CFAP20DC: variants seen among roughly 807,000 people sequenced by gnomAD.
The protein encoded by CFAP20DC is CFAP20 domain containing.
CFAP20DC carries 84 observed loss-of-function variants against 101.7 expected under a neutral mutation model. That is an observed-to-expected ratio of 0.83 (90% CI 0.69 to 0.99). The LOEUF (loss-of-function observed/expected upper bound fraction) is 0.99. Ranked by LOEUF, CFAP20DC falls within the 50% of genes least tolerant of loss-of-function variation. The probability of loss-of-function intolerance (pLI) is 0.00; values close to 1 mark genes in which losing one functional copy is unlikely to be tolerated. For missense variants in CFAP20DC, 1,007 were observed against 970.3 expected (o/e 1.04, Z -0.50); for synonymous variants, 359 against 351.2 (o/e 1.02, Z -0.25).
At chr3:58,941,438 C>T (rs928609390) in intron 4 of CFAP20DC, among the ~76,000 whole-genome samples, 1 of 151,242 alleles carries the variant, frequency 6.6e-6, no homozygotes, top group African/African-American at 2.4e-5. Context: ...TTCCTCTGAC[C>T]TTTGCTTAAT....
intron 3 of CFAP20DC, among the ~76,000 whole-genome samples, chr3:58,736,376 T>C (rs1559528601): frequency 6.6e-6 from 1 of 152,210 alleles, no homozygotes; most frequent in Non-Finnish European, 1.5e-5. Context: ...TTCTTTGAGA[T>C]AATCTTTGGT....
chr3:58,931,237 C>A (rs541421922), intron 5 of CFAP20DC, among the ~76,000 whole-genome samples: 2 of 152,048 alleles, frequency 1.3e-5, no homozygotes, highest in Non-Finnish European at 2.9e-5. Context: ...GCGCCATTGC[C>A]CAGGCTTGCT....
chr3:58,744,857 G>A (rs1246759200), intron 16 of CFAP20DC, among the ~76,000 whole-genome samples: 4 of 152,228 alleles, frequency 2.6e-5, no homozygotes, highest in African/African-American at 9.6e-5. Flanking sequence ...AGCAGAGAGT[G>A]GGGCAACGAT....
At chr3:58,754,415 G>T (rs1225428284) in intron 15 of CFAP20DC, among the ~76,000 whole-genome samples, 2 of 152,064 alleles carry the variant, frequency 1.3e-5, no homozygotes, top group African/African-American at 4.8e-5. Flanking sequence ...CCTTCCTACT[G>T]CACTCTTCCC....
intron 4 of CFAP20DC, among the ~76,000 whole-genome samples, chr3:58,946,063 G>T (rs2089312562): frequency 1.3e-5 from 2 of 150,188 alleles, no homozygotes; most frequent in African/African-American, 4.9e-5. Flanking sequence ...CAAAGTTCAG[G>T]TCATTTGTTG....
Position 58,964,402 on chromosome 3 carries a change from T to C in CFAP20DC, c.279-26640A>G, listed in dbSNP as rs1457695414. Among the ~76,000 whole-genome samples, 1 of 152,226 alleles carries C rather than the reference T, an allele frequency of 6.6e-6. No homozygotes were observed. The highest frequency in any genetic ancestry group is 2.4e-5 in the African/African-American group (1 of 41,474). ...AACGTGTATGTTTCCTTATCACTCA[T>C]GCACACAACCCTTTTCATGAATATT... is the stretch of plus-strand genomic sequence containing the variant. On this transcript the variant is annotated intron_variant, in intron 4 of 16. Transcript: ENST00000482387. This position sits in a 1 kb window ranked among gnomAD's most constrained non-coding sequence, Gnocchi z 4.1.
At chr3:59,042,885 C>T (rs115839650) in intron 3 of CFAP20DC, among the ~76,000 whole-genome samples, 1,623 of 152,186 alleles carry the variant, frequency 0.011, 36 homozygotes, top group African/African-American at 0.036. Context: ...CAAGACCTTC[C>T]AGATAGACTG....
rs1275460243 is a variant in CFAP20DC at position 58,826,291 on chromosome 3, A to G, written c.2175+5395T>C. Among the ~76,000 whole-genome samples the G allele has an allele frequency of 2.0e-5, 3 of 152,212 alleles. No individual in the cohort carries two copies. In the East Asian group the frequency reaches 5.8e-4, roughly 29 times the overall value. On this transcript the variant is annotated intron_variant, in intron 14 of 16. Transcript: ENST00000482387. Reference sequence around the variant, plus strand: ...TTGGAATCTTGACGAAAATTATTTTAGAGTAAAAAATGAATTTTTAAAAAT... The same window carrying G: ...TTGGAATCTTGACGAAAATTATTTTGGAGTAAAAAATGAATTTTTAAAAAT...
chr3:58,947,454 A>G (rs754076157), intron 4 of CFAP20DC, among the ~76,000 whole-genome samples: 6 of 152,320 alleles, frequency 3.9e-5, no homozygotes, highest in Non-Finnish European at 7.4e-5. Flanking sequence ...GAAGTAGCCA[A>G]AATAAGCTCT....
chr3:58,784,801 G>C (rs1428102576), intron 15 of CFAP20DC, among the ~76,000 whole-genome samples: 1 of 152,062 alleles, frequency 6.6e-6, no homozygotes, highest in Non-Finnish European at 1.5e-5. Flanking sequence ...TAAGCTTTCT[G>C]AAAAGGGAAG....
At chr3:58,846,745 C>G (rs1283315113) in intron 13 of CFAP20DC, among the ~76,000 whole-genome samples, 5 of 147,988 alleles carry the variant, frequency 3.4e-5, no homozygotes, top group East Asian at 2.0e-4. Context: ...GGAGGCATCA[C>G]ACTACCTGAC....
chr3:58,942,663 C>G (rs576250904), intron 4 of CFAP20DC, among the ~76,000 whole-genome samples: 1 of 152,198 alleles, frequency 6.6e-6, no homozygotes, highest in Non-Finnish European at 1.5e-5. Flanking sequence ...GGGCAGACAT[C>G]GAGCTAGCTG....
chr3:58,812,384 G>T (rs917546060), intron 14 of CFAP20DC, among the ~76,000 whole-genome samples: 6 of 152,104 alleles, frequency 3.9e-5, no homozygotes, highest in Admixed American at 3.9e-4. Flanking sequence ...CATAAAAAAT[G>T]ATGAGTTCAT....
chr3:58,816,992 G>A (rs1437032808), intron 14 of CFAP20DC, among the ~76,000 whole-genome samples: 6 of 152,114 alleles, frequency 3.9e-5, no homozygotes, highest in African/African-American at 7.2e-5. Flanking sequence ...CCTGACCCCC[G>A]AGCAGCCTAA....
At chr3:58,789,243 C>T (rs1004421439) in intron 15 of CFAP20DC, among the ~76,000 whole-genome samples, 2 of 152,108 alleles carry the variant, frequency 1.3e-5, no homozygotes, top group Admixed American at 6.6e-5. Context: ...CTAACTTTAA[C>T]GAGAGAATAA....
chr3:58,928,704 A>C (rs1016009540), intron 5 of CFAP20DC, among the ~76,000 whole-genome samples: 1 of 152,208 alleles, frequency 6.6e-6, no homozygotes, highest in African/African-American at 2.4e-5. Flanking sequence ...ACACTACGGA[A>C]ACAAATGCCC....
chr3:59,047,910 G>C (rs1236605442), intron 1 of CFAP20DC, among the ~76,000 whole-genome samples: 9 of 152,110 alleles, frequency 5.9e-5, no homozygotes, highest in Non-Finnish European at 1.5e-5. Flanking sequence ...AAAAGGCCTG[G>C]GAGGGATTTG....
chr3:58,952,839 G>A (rs1429070060), intron 4 of CFAP20DC, among the ~76,000 whole-genome samples: 1 of 152,068 alleles, frequency 6.6e-6, no homozygotes, highest in African/African-American at 2.4e-5. Context: ...TATTTGCTAA[G>A]TGGCCTTTTT....
chr3:58,884,754 C>T, intron 6 of CFAP20DC, 45 bp from the exon 7 acceptor site: 1 of 1,471,578 alleles, frequency 6.8e-7, no homozygotes, highest in Non-Finnish European at 9.4e-7. Flanking sequence ...TAAGCCATTT[C>T]TGCCAAATGG....
Sources: gnomAD v4.1 joint callset for allele counts (sites outside exome capture counted in the v4.1 genomes callset) on GRCh38, gnomAD v4.1.1 for gene constraint, Gnocchi (gnomAD v3.1) non-coding constraint, MANE v1.5 for transcripts, NCBI Gene and HGNC (gene_info 2026-07-23, HGNC 2026-07-21) for gene names.